TTN: variants seen among roughly 807,000 people sequenced by gnomAD.
The protein encoded by TTN is connectin.
In TTN, 1,525 loss-of-function variants were observed where a neutral mutation model predicts 3,223.0. That is an observed-to-expected ratio of 0.47 (90% CI 0.45 to 0.49). The LOEUF (loss-of-function observed/expected upper bound fraction) is 0.49, where lower values mean the gene tolerates loss of function less well. Ranked by LOEUF, TTN falls within the 20% of genes least tolerant of loss-of-function variation. The probability of loss-of-function intolerance (pLI) is 0.00; values close to 1 mark genes in which losing one functional copy is unlikely to be tolerated. For missense variants in TTN, 40,786 were observed against 43,424.0 expected (o/e 0.94, Z 5.40); for synonymous variants, 14,094 against 15,161.0 (o/e 0.93, Z 5.17).
At chr2:178,783,980 C>T (rs1416623386) in intron 16 of TTN, 90 bp downstream of exon 16, 2 of 1,600,100 alleles carry the variant, frequency 1.2e-6, no homozygotes, top group East Asian at 4.5e-5. Flanking sequence ...AGGCAAGACT[C>T]CACTGGCTAC....
At position 178,636,276 on chromosome 2, in the gene TTN, C is replaced by T; in HGVS notation, c.41330-35G>A. On this transcript the variant is annotated intron_variant, in intron 225 of 362. Transcript: ENST00000589042. The surrounding 1 kb of genome is among the most constrained non-coding windows in gnomAD (Gnocchi z 4.3). ...ATTTCAGTATATATTTCAATAAATACAATATTTTCAATGAAATAAAACTTG... is the reference window on the plus strand; with the variant it reads ...ATTTCAGTATATATTTCAATAAATATAATATTTTCAATGAAATAAAACTTG... 1 of 1,478,064 alleles carries T rather than the reference C, an allele frequency of 6.8e-7. No individual in the cohort carries two copies. The highest frequency in any genetic ancestry group is 9.0e-7 in the Non-Finnish European group (1 of 1,114,362). The allele number at this position is 1,478,064 out of a possible 1,614,324, so 91.6% of individuals were successfully genotyped here.
In TTN at chr2:178,714,280, CT is replaced by C. The variant is rs1392500165; in HGVS notation, c.26482+11del. The stretch of plus-strand genomic sequence containing the variant: ...TGCCTTGTATCTGTGATAACATCAT[CT>C]TTTTACTAACCGAGAACGGATAGCG... On this transcript the variant is annotated intron_variant, in intron 91 of 362. Transcript: ENST00000589042. 6.2e-7 allele frequency: 1 copy of C among 1,607,622 alleles called. No individual in the cohort carries two copies. Among genetic ancestry groups the C allele is most frequent in the African/African-American group, 1.3e-5 (1 of 74,664 alleles).
chr2:178,790,300 C>A (rs2093418874), intron 11 of TTN, among the ~76,000 whole-genome samples, 185 bp from the exon 12 acceptor site: 1 of 151,354 alleles, frequency 6.6e-6, no homozygotes, highest in East Asian at 1.9e-4. Context: ...AATATCAAAA[C>A]AATAAGTCCA....
chr2:178,770,236 G>A lies in TTN; in HGVS notation c.8465C>T (p.Thr2822Ile). The A allele has an allele frequency of 1.2e-6, 2 of 1,614,144 alleles. No individual in the cohort carries two copies. Among genetic ancestry groups the A allele is most frequent in the Non-Finnish European group, 8.5e-7 (1 of 1,180,008 alleles). The change falls in exon 36 of 363, where the codon ACT becomes ATT. Residue 2822 changes from threonine to isoleucine, a missense_variant. Physicochemically the swap from Thr to Ile is moderately conservative, Grantham distance 89 (BLOSUM62 -1). Transcript: ENST00000589042. ...VAFEVSVSHD[T>I]VPVKWFHKSV... Reference sequence around the variant, plus strand: ...CTTATGGAACCATTTTACTGGAACAGTGTCATGGGAAACACTAACTTCAAA... The same window carrying A: ...CTTATGGAACCATTTTACTGGAACAATGTCATGGGAAACACTAACTTCAAA...
Position 178,560,306 on chromosome 2 carries a change from C to T in TTN, c.85826G>A (p.Arg28609Lys). Residue 28609 changes from arginine to lysine, a missense_variant, in exon 326 of 363, where the codon AGA (arginine) becomes AAA (lysine). Coordinates refer to ENST00000589042, the MANE Select transcript of TTN (RefSeq NM_001267550.2). The part of the protein sequence containing the change: ...RVNKKPVYDL[R>K]VKSTGLREGC... ...TTCCCGAAGTCCTGTTGATTTCACT[C>T]TTAGATCATAAACTGGTTTTTTGTT... The T allele has an allele frequency of 6.2e-7, 1 of 1,613,768 alleles. No individual in the cohort carries two copies. Among genetic ancestry groups the T allele is most frequent in the South Asian group, 1.1e-5 (1 of 91,084 alleles).
rs1432768583 is a variant in TTN, at chr2:178,741,219, T to C, written c.12014A>G (p.Asp4005Gly). The C allele has an allele frequency of 6.2e-7, 1 of 1,613,352 alleles. No individual in the cohort carries two copies. The highest frequency in any genetic ancestry group is 1.3e-5 in the African/African-American group (1 of 74,936). ...TFIVNDPQRE[D>G]SGLYICKAEN... ...TGCTTTACAGATATAGAGGCCACTG[T>C]CTTCCCTCTGAGGGTCATTGACAAT... The change falls in exon 48 of 363, where the codon GAC (aspartate) becomes GGC (glycine). Residue 4005 changes from aspartate (D) to glycine (G), a missense_variant. Asp to Gly is a moderately conservative substitution (Grantham distance 94, BLOSUM62 -1). Transcript: ENST00000589042.
rs765204107 is a variant in TTN at position 178,733,420 on chromosome 2, C to T, written c.15873G>A (p.Lys5291=). The T allele has an allele frequency of 6.2e-7, 1 of 1,613,810 alleles. No individual in the cohort carries two copies. Among genetic ancestry groups the T allele is most frequent in the South Asian group, 1.1e-5 (1 of 91,070 alleles). ...GTCTCCCATCTTTGTACCATTTGGG[C>T]TTCAGTTCTGGCGTGCCTGCCACTG... ...EYTVAGTPEL[K]PKWYKDGRPL... is the part of the protein sequence containing the mutation. Residue 5291 remains lysine, a synonymous_variant, in exon 54 of 363, where the codon AAG becomes AAA. Coordinates refer to ENST00000589042, the MANE Select transcript of TTN (RefSeq NM_001267550.2).
intron 328 of TTN, 28 bp from the exon 329 acceptor site, chr2:178,557,583 A>T: frequency 1.2e-6 from 2 of 1,613,574 alleles, no homozygotes; most frequent in Non-Finnish European, 1.7e-6. Flanking sequence ...CCTATAGATT[A>T]GTACAGACAA....
intron 180 of TTN, 82 bp downstream of exon 180, chr2:178,661,677 A>AT (rs2154256887): frequency 1.4e-6 from 1 of 725,066 alleles, no homozygotes. Flanking sequence ...GTATAATAAA[A>AT]ATATATATAT....
At chr2:178,737,209 A>G (rs2081620568) in intron 49 of TTN, 1 of 152,222 alleles carries the variant, frequency 6.6e-6, no homozygotes, top group Admixed American at 6.5e-5. Context: ...AAGGCATTCA[A>G]GTATTTGATG....
chr2:178,615,805 C>T lies in TTN; in HGVS notation c.48313-17G>A, dbSNP rs1288556386. 6.3e-7 allele frequency: 1 copy of T among 1,589,440 alleles called. No individual in the cohort carries two copies. Among genetic ancestry groups the T allele is most frequent in the Non-Finnish European group, 8.5e-7 (1 of 1,170,090 alleles). ...GTCCATAACCTGGGACAAAGAAATA[C>T]AGTTAATCAGTTATTTCCAAAAAAC... is the stretch of plus-strand genomic sequence containing the variant. On this transcript the variant is annotated splice_polypyrimidine_tract_variant and intron_variant, in intron 257 of 362. Coordinates refer to ENST00000589042, the MANE Select transcript of TTN (RefSeq NM_001267550.2).
chr2:178,756,263 C>T lies in TTN; in HGVS notation c.11213G>A (p.Cys3738Tyr). The change falls in exon 46 of 363, where the codon TGT (cysteine) becomes TAT (tyrosine). Residue 3738 changes from cysteine to tyrosine, a missense_variant. Coordinates refer to ENST00000589042, the MANE Select transcript of TTN (RefSeq NM_001267550.2). Reference sequence around the variant, plus strand: ...TACTGCTGACGTTGTCCTCTCTCCACAGTCATTGTGTACAATGCAGCTGTA... The same window carrying T: ...TACTGCTGACGTTGTCCTCTCTCCATAGTCATTGTGTACAATGCAGCTGTA... ...GLYSCIVHND[C>Y]GERTTSAVLS... 3 of 1,613,584 alleles carry T rather than the reference C, an allele frequency of 1.9e-6. No individual in the cohort carries two copies. The highest frequency in any genetic ancestry group is 2.5e-6 in the Non-Finnish European group (3 of 1,179,550).
At chr2:178,595,484 T>C (rs2051309151) in intron 295 of TTN, 23 bp downstream of exon 295, 2 of 1,538,556 alleles carry the variant, frequency 1.3e-6, no homozygotes, top group Admixed American at 2.0e-5. Context: ...TGATTAAGTA[T>C]ACATTTTTTT....
In TTN at chr2:178,729,161, A is replaced by G. The variant is rs1560769509; in HGVS notation, c.18877T>C (p.Ser6293Pro). The G allele has an allele frequency of 1.9e-6, 3 of 1,580,204 alleles. No individual in the cohort carries two copies. The highest frequency in any genetic ancestry group is 1.7e-6 in the Non-Finnish European group (2 of 1,163,886). Residue 6293 changes from serine to proline, a missense_variant, in exon 65 of 363, where the codon TCA (serine) becomes CCA (proline). Transcript: ENST00000589042. Reference sequence around the variant, plus strand: ...GTATTTTCTATCTTCTTAATGAATGATGGTGGTTCTGTGATTAAATAAGAG... The same window carrying G: ...GTATTTTCTATCTTCTTAATGAATGGTGGTGGTTCTGTGATTAAATAAGAG... ...STRVALKEPP[S>P]FIKKIENTTT...
At chr2:178,723,798 A>T (rs2078858360) in intron 73 of TTN, 58 bp downstream of exon 73, 17 of 1,553,212 alleles carry the variant, frequency 1.1e-5, no homozygotes, top group Non-Finnish European at 1.5e-5. Flanking sequence ...GTCAACATAG[A>T]TGTGCACCTG....
At chr2:178,630,743 C>T in intron 238 of TTN, 61 bp downstream of exon 238, 1 of 1,559,630 alleles carries the variant, frequency 6.4e-7, no homozygotes, top group Non-Finnish European at 8.7e-7. Context: ...CTGACTTTCA[C>T]CTGTTCTTTT....
At position 178,576,747 on chromosome 2, in the gene TTN, T is replaced by A; in HGVS notation, c.69497A>T (p.Asp23166Val). The A allele has an allele frequency of 6.2e-7, 1 of 1,613,542 alleles. No homozygotes were observed. Among genetic ancestry groups the A allele is most frequent in the Non-Finnish European group, 8.5e-7 (1 of 1,179,622 alleles). The part of the protein sequence containing the change: ...ATVSWKRPVD[D>V]GGSEITGYHV... ...ATATCCTGTAATTTCGCTGCCACCA[T>A]CATCCACTGGCCTTTTCCAGCTGAC... The change falls in exon 325 of 363, where the codon GAT becomes GTT. Residue 23166 changes from aspartate to valine, a missense_variant. Physicochemically the swap from Asp to Val is radical, Grantham distance 152 (BLOSUM62 -3). Transcript: ENST00000589042. The surrounding 1 kb of genome is among the most constrained non-coding windows in gnomAD (Gnocchi z 4.3).
intron 10 of TTN, 115 bp downstream of exon 10, chr2:178,791,955 CAA>C: frequency 8.6e-7 from 1 of 1,167,926 alleles, no homozygotes. Context: ...GGAACAATAA[CAA>C]AAAATATACA....
At chr2:178,754,356 T>A (rs148833026) in intron 46 of TTN, among the ~76,000 whole-genome samples, 147 of 152,260 alleles carry the variant, frequency 9.7e-4, no homozygotes, top group Non-Finnish European at 1.8e-3. Context: ...AAATGTCTTA[T>A]CTTTCAACTT....
Sources: allele counts gnomAD v4.1 joint callset (sites outside exome capture counted in the v4.1 genomes callset), GRCh38; gene constraint gnomAD v4.1.1; non-coding constraint Gnocchi (gnomAD v3.1); transcripts MANE v1.5; gene names NCBI Gene and HGNC (gene_info 2026-07-23, HGNC 2026-07-21).